Variants in RYR3 observed in about 807,000 individuals in gnomAD.
RYR3 encodes ryanodine receptor 3, also known as brain ryanodine receptor-calcium release channel.
RYR3 carries 207 observed loss-of-function variants against 584.3 expected under a neutral mutation model. That is an observed-to-expected ratio of 0.35 (90% CI 0.32 to 0.40). RYR3 has a LOEUF of 0.40. Among genes scored for constraint, RYR3 ranks in the 10% least tolerant of loss-of-function variants. The pLI, the probability that RYR3 is intolerant of heterozygous loss-of-function variation, is 1.00. For missense variants in RYR3, 5,616 were observed against 6,089.2 expected, an observed-to-expected ratio of 0.92 and a Z score of 2.59; for synonymous variants, 2,416 against 2,248.5, an observed-to-expected ratio of 1.07 and a Z score of -2.11.
intron 50 of RYR3, among the ~76,000 whole-genome samples, chr15:33,739,451 G>A (rs759373222): frequency 2.6e-5 from 4 of 152,018 alleles, no homozygotes; most frequent in Non-Finnish European, 4.4e-5. Context: ...AGCTTACTGT[G>A]CCCTCTCCAG....
intron 102 of RYR3, among the ~76,000 whole-genome samples, chr15:33,862,388 G>A (rs994562347): frequency 4.1e-5 from 6 of 146,704 alleles, no homozygotes; most frequent in African/African-American, 1.5e-4. Flanking sequence ...TTTTTTTTTG[G>A]TAGAGAAGGG....
At chr15:33,715,961 G>A (rs959869956) in intron 43 of RYR3, among the ~76,000 whole-genome samples, 2 of 152,176 alleles carry the variant, frequency 1.3e-5, no homozygotes, top group Non-Finnish European at 2.9e-5. Context: ...GAATGTTGGA[G>A]GTGGAGCCTG....
intron 2 of RYR3, among the ~76,000 whole-genome samples, chr15:33,499,332 C>T (rs1420283560): frequency 6.6e-6 from 1 of 151,722 alleles, no homozygotes; most frequent in Non-Finnish European, 1.5e-5. Flanking sequence ...ACTCTTTCTT[C>T]CCCTCTGTCT....
intron 22 of RYR3, among the ~76,000 whole-genome samples, chr15:33,630,521 C>G (rs1205321343): frequency 3.3e-5 from 5 of 152,158 alleles, no homozygotes; most frequent in Non-Finnish European, 2.9e-5. Flanking sequence ...GTTCTCTTGT[C>G]TTTGTATTTC....
intron 10 of RYR3, among the ~76,000 whole-genome samples, chr15:33,560,969 A>T (rs1057079910): frequency 2.4e-4 from 37 of 152,220 alleles, no homozygotes; most frequent in African/African-American, 8.9e-4. Flanking sequence ...TTTAAAAGAA[A>T]AAGAAATTTC....
At chr15:33,659,262 G>A (rs1426769786) in intron 32 of RYR3, among the ~76,000 whole-genome samples, 1 of 152,204 alleles carries the variant, frequency 6.6e-6, no homozygotes, top group Non-Finnish European at 1.5e-5. Flanking sequence ...CTTGACTAAT[G>A]TTGGTTTGCC....
At chr15:33,385,089 G>A (rs1490234434) in intron 1 of RYR3, among the ~76,000 whole-genome samples, 1 of 152,108 alleles carries the variant, frequency 6.6e-6, no homozygotes, top group Non-Finnish European at 1.5e-5. Context: ...AATTTTTTAT[G>A]TCACTTACCA....
chr15:33,432,635 G>T (rs1201847141), intron 1 of RYR3, among the ~76,000 whole-genome samples: 1 of 143,040 alleles, frequency 7.0e-6, no homozygotes, highest in African/African-American at 2.7e-5. Context: ...GGAGTAGCTG[G>T]GATTACAGGT....
At position 33,769,274 on chromosome 15, in the gene RYR3, C is replaced by A. The variant is rs569225785; in HGVS notation, c.8816+102C>A. 1.2e-5 allele frequency: 11 copies of A among 913,222 alleles called. No individual in the cohort carries two copies. The East Asian group carries it at 1.9e-4, about 16-fold the overall frequency. 56.6% of individuals were successfully genotyped at this position (913,222 alleles called of 1,614,324 possible). A position where few individuals can be genotyped will look rare whatever the true frequency, so the allele number is the denominator to read the frequency against. On this transcript the variant is annotated intron_variant, in intron 62 of 103. Transcript: ENST00000634891. ...GAGAAGACAGATCGCTGCTGCCAGG[C>A]TTTGAGAAGAGAGGAGAGACAGGGC...
chr15:33,614,079 A>G (rs1316534714), intron 19 of RYR3, among the ~76,000 whole-genome samples: 1 of 152,240 alleles, frequency 6.6e-6, no homozygotes, highest in Non-Finnish European at 1.5e-5. Flanking sequence ...CAATAACTTT[A>G]GAATCTAAAA....
chr15:33,850,690 A>G (rs1328985784), intron 94 of RYR3: 4 of 152,160 alleles, frequency 2.6e-5, no homozygotes, highest in African/African-American at 9.7e-5. Flanking sequence ...TTAAGCACAC[A>G]TAAGAACATA....
At chr15:33,369,405 T>C (rs905731534) in intron 1 of RYR3, among the ~76,000 whole-genome samples, 1 of 152,196 alleles carries the variant, frequency 6.6e-6, no homozygotes, top group African/African-American at 2.4e-5. Context: ...CCTCTCCCTT[T>C]TGTTAAAAGC....
At chr15:33,609,798 A>G (rs1269367542) in intron 18 of RYR3, among the ~76,000 whole-genome samples, 1 of 152,200 alleles carries the variant, frequency 6.6e-6, no homozygotes, top group East Asian at 1.9e-4. Flanking sequence ...TTTTCATAGC[A>G]AGGACTTGAA....
chr15:33,858,020 G>GAGTT (rs1382913436), intron 99 of RYR3, 106 bp downstream of exon 99: 5 of 1,429,534 alleles, frequency 3.5e-6, no homozygotes, highest in Non-Finnish European at 4.7e-6. Flanking sequence ...GAGAACTGTA[G>GAGTT]AGTTAGTTAC....
At chr15:33,382,594 T>C (rs771215125) in intron 1 of RYR3, among the ~76,000 whole-genome samples, 29 of 152,290 alleles carry the variant, frequency 1.9e-4, no homozygotes, top group East Asian at 1.9e-4. Flanking sequence ...AGTGCTGGGA[T>C]TACAGACATG....
chr15:33,385,142 G>T (rs367601865), intron 1 of RYR3, among the ~76,000 whole-genome samples: 2 of 152,064 alleles, frequency 1.3e-5, no homozygotes, highest in African/African-American at 2.4e-5. Context: ...TACATTAAAG[G>T]GTTATTTTCT....
chr15:33,545,780 A>G (rs1374032203), intron 8 of RYR3, among the ~76,000 whole-genome samples: 1 of 152,160 alleles, frequency 6.6e-6, no homozygotes, highest in African/African-American at 2.4e-5. Context: ...GCACACTAAA[A>G]GACTCCAGCA....
intron 12 of RYR3, among the ~76,000 whole-genome samples, chr15:33,572,658 T>TATAC (rs533341248): frequency 1.5e-4 from 19 of 124,514 alleles, no homozygotes; most frequent in African/African-American, 4.2e-4. Flanking sequence ...AAACTATATA[T>TATAC]ACACACACAC....
intron 10 of RYR3, among the ~76,000 whole-genome samples, chr15:33,559,916 G>A (rs1237572729): frequency 1.3e-5 from 2 of 152,176 alleles, no homozygotes; most frequent in South Asian, 2.1e-4. Context: ...CAGAGAAGGG[G>A]AATATTTGGT....
Sources: gnomAD v4.1 joint callset for allele counts (sites outside exome capture counted in the v4.1 genomes callset) on GRCh38, gnomAD v4.1.1 for gene constraint, MANE v1.5 for transcripts, NCBI Gene and HGNC (gene_info 2026-07-23, HGNC 2026-07-21) for gene names.